Variants in GXYLT2 observed in about 807,000 individuals in gnomAD.
GXYLT2 encodes glucoside xylosyltransferase 2, also known as glycosyltransferase 8 domain containing 4.
In GXYLT2, 53 loss-of-function variants were observed where a neutral mutation model predicts 45.8. The observed-to-expected ratio is 1.16, with a 90% confidence interval of 0.93 to 1.46. The LOEUF (loss-of-function observed/expected upper bound fraction) is 1.46, where lower values mean the gene tolerates loss of function less well. Among genes scored for constraint, GXYLT2 ranks in the 40% most tolerant of loss-of-function variants. The pLI, the probability that GXYLT2 is intolerant of heterozygous loss-of-function variation, is 0.00. For missense variants in GXYLT2, 551 were observed against 544.4 expected (o/e 1.01, Z -0.12); for synonymous variants, 219 against 214.2 (o/e 1.02, Z -0.19).
chr3:72,891,529 A>T (rs1467131096), intron 1 of GXYLT2, among the ~76,000 whole-genome samples: 2 of 152,186 alleles, frequency 1.3e-5, no homozygotes, highest in African/African-American at 4.8e-5. Flanking sequence ...CCAAGAGGTA[A>T]GTAAGGTCTG....
At chr3:72,907,983 G>C (rs780387768) in intron 1 of GXYLT2, 26 of 166,580 alleles carry the variant, frequency 1.6e-4, no homozygotes, top group Non-Finnish European at 2.9e-4. Flanking sequence ...TGTTCAAGTT[G>C]CATTCAAATC....
chr3:72,958,303 TTTC>T (rs1710689833), intron 5 of GXYLT2, among the ~76,000 whole-genome samples: 1 of 151,922 alleles, frequency 6.6e-6, no homozygotes, highest in South Asian at 2.1e-4. Flanking sequence ...AAAACTATGT[TTTC>T]TTCTTGAGAG....
At position 72,894,676 on chromosome 3, in the gene GXYLT2, G is replaced by A. The variant is rs556588341; in HGVS notation, c.275+6168G>A. Among the ~76,000 whole-genome samples, 137 of 152,310 alleles carry A rather than the reference G, an allele frequency of 9.0e-4. 1 individual carries two copies. The highest frequency in any genetic ancestry group is 3.2e-3 in the African/African-American group (134 of 41,562). ...TTCAGTGAGGAACATCTGAGCCCTC[G>A]TCCTGCCCCGTGGAACACGGGCTAT... On this transcript the variant is annotated intron_variant, in intron 1 of 6. Transcript: ENST00000389617.
At chr3:72,911,821 G>T (rs1709628292) in intron 2 of GXYLT2, among the ~76,000 whole-genome samples, 1 of 151,402 alleles carries the variant, frequency 6.6e-6, no homozygotes, top group South Asian at 2.1e-4. Context: ...GTTGCCCATT[G>T]CAGTGACACA....
intron 3 of GXYLT2, among the ~76,000 whole-genome samples, chr3:72,936,553 T>C (rs1322783056): frequency 1.3e-5 from 2 of 151,962 alleles, no homozygotes; most frequent in African/African-American, 4.8e-5. Context: ...GGCAGGAGAA[T>C]CACCTGAACC....
intron 3 of GXYLT2, among the ~76,000 whole-genome samples, chr3:72,926,606 T>C (rs1709922517): frequency 6.6e-6 from 1 of 152,212 alleles, no homozygotes. Context: ...TCACATCACC[T>C]TTCCCCCAAT....
At chr3:72,930,453 G>A (rs1710006856) in intron 3 of GXYLT2, among the ~76,000 whole-genome samples, 2 of 149,304 alleles carry the variant, frequency 1.3e-5, no homozygotes, top group Non-Finnish European at 3.0e-5. Flanking sequence ...AGTGAGCCAA[G>A]ATCATGCCAC....
At chr3:72,936,300 G>GAAAAAAA (rs796602781) in intron 3 of GXYLT2, among the ~76,000 whole-genome samples, 1 of 72,564 alleles carries the variant, frequency 1.4e-5, no homozygotes. Context: ...TCAAAAAAAA[G>GAAAAAAA]AAAAAAAAAA....
Position 72,974,975 on chromosome 3 carries a change from A to G in GXYLT2, c.1150-2A>G. ...ATAAACTTTTTTTTTGTCATCTTTC[A>G]GTTTCCCTTTCAAGACAATCTCTTT... On this transcript the variant is annotated splice_acceptor_variant, in intron 6 of 6. Coordinates refer to ENST00000389617, the MANE Select transcript of GXYLT2 (RefSeq NM_001080393.2). LOFTEE classifies it high-confidence loss of function. The G allele has an allele frequency of 6.5e-7, 1 of 1,531,668 alleles. No individual in the cohort carries two copies. The allele number at this position is 1,531,668 out of a possible 1,614,324, so 94.9% of individuals were successfully genotyped here.
chr3:72,901,882 C>T (rs1474995195), intron 1 of GXYLT2, among the ~76,000 whole-genome samples: 2 of 152,158 alleles, frequency 1.3e-5, no homozygotes, highest in African/African-American at 2.4e-5. Flanking sequence ...CTTCCTGTCT[C>T]TGTGGCTTTG....
intron 3 of GXYLT2, among the ~76,000 whole-genome samples, chr3:72,941,960 A>T (rs1285648100): frequency 1.3e-5 from 2 of 152,168 alleles, no homozygotes; most frequent in Non-Finnish European, 1.5e-5. Context: ...CCATCCTCCA[A>T]AGGAACCCAG....
intron 5 of GXYLT2, among the ~76,000 whole-genome samples, chr3:72,958,297 C>G (rs984993708): frequency 6.6e-6 from 1 of 150,618 alleles, no homozygotes. Flanking sequence ...AAAATTAAAA[C>G]TATGTTTTCT....
chr3:72,939,275 T>G (rs1559741773), intron 3 of GXYLT2, among the ~76,000 whole-genome samples: 1 of 152,144 alleles, frequency 6.6e-6, no homozygotes, highest in Middle Eastern at 3.4e-3. Flanking sequence ...GGTGAAACCC[T>G]GTCTCTACTA....
intron 1 of GXYLT2, among the ~76,000 whole-genome samples, chr3:72,904,894 A>AT (rs1212908543): frequency 6.7e-6 from 1 of 149,396 alleles, no homozygotes; most frequent in Non-Finnish European, 1.5e-5. Flanking sequence ...AAAAAAAAAA[A>AT]AAAATTAACC....
At chr3:72,937,327 G>A (rs561559515) in intron 3 of GXYLT2, among the ~76,000 whole-genome samples, 1 of 152,268 alleles carries the variant, frequency 6.6e-6, no homozygotes, top group Admixed American at 6.5e-5. Flanking sequence ...TGATGAAAAT[G>A]CGTTTTTTAC....
At chr3:72,924,137 G>A (rs530150965) in intron 3 of GXYLT2, among the ~76,000 whole-genome samples, 6 of 151,290 alleles carry the variant, frequency 4.0e-5, no homozygotes, top group African/African-American at 1.5e-4. Flanking sequence ...GAAGCAATCA[G>A]CAGAGACTGG....
intron 5 of GXYLT2, among the ~76,000 whole-genome samples, chr3:72,963,086 A>C (rs866707776): frequency 2.0e-5 from 3 of 152,126 alleles, no homozygotes; most frequent in Middle Eastern, 6.8e-3. Context: ...CTGAGCAGGG[A>C]GTATTGCTTG....
At position 72,957,652 on chromosome 3, in the gene GXYLT2, C is replaced by T. The variant is rs544270087; in HGVS notation, c.976+300C>T. On this transcript the variant is annotated intron_variant, in intron 5 of 6. Coordinates refer to ENST00000389617, the MANE Select transcript of GXYLT2 (RefSeq NM_001080393.2). The stretch of plus-strand genomic sequence containing the variant: ...AAGTGCAGTTAAAATTGATGTGAGG[C>T]GTGAAACTAAATGGAAATATTATAA... 3.3e-5 allele frequency among the ~76,000 whole-genome samples: 5 copies of T among 152,190 alleles called. No homozygotes were observed. In the East Asian group the frequency reaches 5.8e-4, roughly 18 times the overall value.
Position 72,975,365 on chromosome 3 carries a change from T to G in GXYLT2, c.*206T>G, listed in dbSNP as rs1442095233. 2.0e-5 allele frequency: 6 copies of G among 305,562 alleles called. No individual in the cohort carries two copies. Among genetic ancestry groups the G allele is most frequent in the East Asian group, 1.3e-4 (3 of 23,484 alleles). 18.9% of individuals were successfully genotyped at this position (305,562 alleles called of 1,614,324 possible). ...TTTTTTCTAAAATGCTATTTATCTC[T>G]AAGGAAAAAAAAAAAAGACTATTAC... On this transcript the variant is annotated 3_prime_UTR_variant, in exon 7 of 7. Transcript: ENST00000389617.
Sources: allele counts gnomAD v4.1 joint callset (sites outside exome capture counted in the v4.1 genomes callset), GRCh38; gene constraint gnomAD v4.1.1; transcripts MANE v1.5; gene names NCBI Gene and HGNC (gene_info 2026-07-23, HGNC 2026-07-21).